The following TMEM17 variants were observed in gnomAD, a reference collection of about 807,000 sequenced individuals.
TMEM17 encodes the protein transmembrane protein 17.
Under a neutral mutation model 19.1 loss-of-function variants are expected in TMEM17, and 15 were observed. That is an observed-to-expected ratio of 0.78 (90% CI 0.52 to 1.21). TMEM17 has a LOEUF of 1.21. Ranked by LOEUF, TMEM17 falls within the 50% of genes most tolerant of loss-of-function variation. The pLI is 0.00. For missense variants in TMEM17, 245 were observed against 242.3 expected, an observed-to-expected ratio of 1.01 and a Z score of -0.07; for synonymous variants, 103 against 86.9, an observed-to-expected ratio of 1.19 and a Z score of -1.03.
the TMEM17 span, among the ~76,000 whole-genome samples, chr2:62,459,236 C>T: frequency 6.6e-6 from 1 of 152,254 alleles, no homozygotes; most frequent in African/African-American, 2.4e-5. Flanking sequence ...GGTCTGCCTT[C>T]CACCTTGACT....
chr2:62,474,860 C>CAAAT, the TMEM17 span, among the ~76,000 whole-genome samples: 1 of 152,140 alleles, frequency 6.6e-6, no homozygotes, highest in Non-Finnish European at 1.5e-5. Context: ...CCCACCCCTG[C>CAAAT]AAATAGGCTT....
downstream of TMEM17, among the ~76,000 whole-genome samples, chr2:62,498,830 C>T (rs1679845647): frequency 6.6e-6 from 1 of 151,860 alleles, no homozygotes; most frequent in African/African-American, 2.4e-5. Context: ...ATTTTCAGTA[C>T]AGTGTTGTAA....
the TMEM17 span, among the ~76,000 whole-genome samples, chr2:62,467,128 A>AC: frequency 6.6e-6 from 1 of 150,796 alleles, no homozygotes; most frequent in Non-Finnish European, 1.5e-5. Context: ...CCACCCTCTT[A>AC]CCCCCAATTT....
the TMEM17 span, among the ~76,000 whole-genome samples, chr2:62,493,104 A>C: frequency 3.3e-5 from 5 of 152,250 alleles, no homozygotes; most frequent in Admixed American, 1.3e-4. Context: ...ATCACAGCTC[A>C]CTGTAGTCTC....
At chr2:62,483,202 C>A in the TMEM17 span, among the ~76,000 whole-genome samples, 842 of 152,312 alleles carry the variant, frequency 5.5e-3, 3 homozygotes, top group Admixed American at 0.01. Context: ...CTAATTTAGT[C>A]AACACATCTG....
At chr2:62,478,471 G>C in the TMEM17 span, among the ~76,000 whole-genome samples, 1 of 152,234 alleles carries the variant, frequency 6.6e-6, no homozygotes, top group Non-Finnish European at 1.5e-5. Flanking sequence ...AAGGCACATG[G>C]CAAGAAATTC....
chr2:62,491,002 C>T, the TMEM17 span, among the ~76,000 whole-genome samples: 9 of 139,092 alleles, frequency 6.5e-5, no homozygotes, highest in African/African-American at 2.4e-4. Context: ...TTGCTTGTAC[C>T]CAGGAGGCGG....
At chr2:62,460,356 C>A in the TMEM17 span, among the ~76,000 whole-genome samples, 9 of 152,304 alleles carry the variant, frequency 5.9e-5, no homozygotes, top group African/African-American at 2.2e-4. Context: ...GAGCGCCATG[C>A]CCACCCAAGC....
At chr2:62,455,505 G>A in the TMEM17 span, among the ~76,000 whole-genome samples, 22 of 152,304 alleles carry the variant, frequency 1.4e-4, no homozygotes, top group East Asian at 3.5e-3. Flanking sequence ...AGTGGCTCAC[G>A]CCTGTAATCC....
At chr2:62,479,760 G>A in the TMEM17 span, among the ~76,000 whole-genome samples, 4 of 152,032 alleles carry the variant, frequency 2.6e-5, no homozygotes, top group Admixed American at 6.6e-5. Flanking sequence ...GGTGGCAAAT[G>A]CCTATAATCC....
At chr2:62,486,289 A>G in the TMEM17 span, among the ~76,000 whole-genome samples, 2 of 143,912 alleles carry the variant, frequency 1.4e-5, no homozygotes, top group East Asian at 3.9e-4. Flanking sequence ...GATGTGGACA[A>G]AAATCAGTTT....
chr2:62,487,093 C>T, the TMEM17 span, among the ~76,000 whole-genome samples: 295 of 152,264 alleles, frequency 1.9e-3, 1 homozygote, highest in Middle Eastern at 3.4e-3. Flanking sequence ...AACTTAGTGG[C>T]TTAAAACCAT....
In TMEM17 at chr2:62,501,183, T is replaced by C; in HGVS notation, c.*26A>G. 3.1e-6 allele frequency: 5 copies of C among 1,602,958 alleles called. No individual in the cohort carries two copies. The highest frequency in any genetic ancestry group is 4.3e-6 in the Non-Finnish European group (5 of 1,172,962). On this transcript the variant is annotated 3_prime_UTR_variant, in exon 4 of 4. Coordinates refer to ENST00000335390, the MANE Select transcript of TMEM17 (RefSeq NM_198276.3). ...CTCTTACAGTCTCTAGAATGATCTGTCAGATTTTCACTCAACAACACTGGA... is the reference window on the plus strand; with the variant it reads ...CTCTTACAGTCTCTAGAATGATCTGCCAGATTTTCACTCAACAACACTGGA...
chr2:62,505,475 T>TA (rs201932154), intron 1 of TMEM17, among the ~76,000 whole-genome samples: 1 of 150,362 alleles, frequency 6.7e-6, no homozygotes, highest in Non-Finnish European at 1.5e-5. Flanking sequence ...CTTTTTTTTT[T>TA]AATGTCTTCT....
the TMEM17 span, among the ~76,000 whole-genome samples, chr2:62,455,739 C>T: frequency 6.6e-6 from 1 of 152,252 alleles, no homozygotes; most frequent in Non-Finnish European, 1.5e-5. Context: ...TGCACGCCAG[C>T]CTGGCCGACA....
the TMEM17 span, among the ~76,000 whole-genome samples, chr2:62,458,856 A>G: frequency 6.6e-6 from 1 of 152,116 alleles, no homozygotes; most frequent in African/African-American, 2.4e-5. Context: ...CTCTAATCAA[A>G]AGAGTCCCTC....
the TMEM17 span, among the ~76,000 whole-genome samples, chr2:62,466,102 T>A: frequency 4.8e-4 from 73 of 152,314 alleles, no homozygotes; most frequent in African/African-American, 1.7e-3. Flanking sequence ...AGAGCTCCCT[T>A]GTCATTGATA....
At chr2:62,483,802 C>T in the TMEM17 span, among the ~76,000 whole-genome samples, 6 of 151,932 alleles carry the variant, frequency 3.9e-5, no homozygotes, top group East Asian at 1.9e-4. Flanking sequence ...GGTTTCACCA[C>T]GTTGGCCAGG....
rs376813487 is a variant in TMEM17 at position 62,502,570 on chromosome 2, A to G, written c.205-20T>C. Reference sequence around the variant, plus strand: ...TGAATACTAAAAGAAAAGCCAAAACATGTTTGTAAAATCTCATGTATAGTA... The same window carrying G: ...TGAATACTAAAAGAAAAGCCAAAACGTGTTTGTAAAATCTCATGTATAGTA... On this transcript the variant is annotated intron_variant, in intron 2 of 3. Transcript: ENST00000335390. 18 of 1,538,816 alleles carry G rather than the reference A, an allele frequency of 1.2e-5. No homozygotes were observed. Among genetic ancestry groups the G allele is most frequent in the Middle Eastern group, 1.7e-4 (1 of 5,850 alleles).
Sources: allele counts gnomAD v4.1 joint callset (sites outside exome capture counted in the v4.1 genomes callset), GRCh38; gene constraint gnomAD v4.1.1; transcripts MANE v1.5; gene names NCBI Gene and HGNC (gene_info 2026-07-23, HGNC 2026-07-21).